The following ANAPC10 variants were observed in gnomAD, a reference collection of about 807,000 sequenced individuals.
The protein encoded by ANAPC10 is anaphase-promoting complex subunit 10.
Under a neutral mutation model 22.0 loss-of-function variants are expected in ANAPC10, and 12 were observed. That is an observed-to-expected ratio of 0.55 (90% CI 0.35 to 0.88). The LOEUF is 0.88. ANAPC10 is among the 40% of genes least tolerant of loss of function. The probability of loss-of-function intolerance (pLI) is 0.01; values close to 1 mark genes in which losing one functional copy is unlikely to be tolerated. For synonymous variants in ANAPC10, 65 were observed against 69.5 expected (o/e 0.94, Z 0.32); for missense variants, 188 against 220.9 (o/e 0.85, Z 0.94).
chr4:145,013,268 T>C (rs1734628309), intron 4 of ANAPC10, among the ~76,000 whole-genome samples: 1 of 152,058 alleles, frequency 6.6e-6, no homozygotes, highest in Admixed American at 6.6e-5. Context: ...CTAATCTTTC[T>C]CATGAGCACA....
At chr4:145,070,470 A>T (rs948768956) in intron 3 of ANAPC10, among the ~76,000 whole-genome samples, 64 of 152,368 alleles carry the variant, frequency 4.2e-4, no homozygotes, top group African/African-American at 1.5e-3. Context: ...CTATAATGAG[A>T]CAGACTCATT....
intron 3 of ANAPC10, among the ~76,000 whole-genome samples, chr4:145,080,742 T>G (rs940044286): frequency 6.6e-6 from 1 of 151,754 alleles, no homozygotes; most frequent in Non-Finnish European, 1.5e-5. Context: ...ACCCCATCTC[T>G]ACTAAAAATA....
intron 4 of ANAPC10, among the ~76,000 whole-genome samples, chr4:145,009,851 A>T (rs1304273850): frequency 6.6e-6 from 1 of 152,212 alleles, no homozygotes; most frequent in South Asian, 2.1e-4. Flanking sequence ...GAGCTTCTGC[A>T]CAGCAAAAGA....
intron 4 of ANAPC10, among the ~76,000 whole-genome samples, chr4:145,055,329 G>A (rs769102718): frequency 1.3e-4 from 20 of 152,182 alleles, no homozygotes; most frequent in East Asian, 5.8e-4. Context: ...AGGCCGAGGC[G>A]GCCAGATCAC....
intron 4 of ANAPC10, among the ~76,000 whole-genome samples, chr4:145,055,291 C>T (rs1741881926): frequency 6.6e-6 from 1 of 152,202 alleles, no homozygotes; most frequent in Non-Finnish European, 1.5e-5. Context: ...AGTGAGGTAG[C>T]TCAGGCCTGT....
intron 4 of ANAPC10, among the ~76,000 whole-genome samples, chr4:145,005,389 T>C (rs772041489): frequency 1.3e-5 from 2 of 151,986 alleles, no homozygotes; most frequent in African/African-American, 4.8e-5. Context: ...TAGCAGTCTA[T>C]CTTATTCTTT....
chr4:145,017,035 C>T (rs1281656327), intron 4 of ANAPC10, among the ~76,000 whole-genome samples: 1 of 152,182 alleles, frequency 6.6e-6, no homozygotes, highest in Non-Finnish European at 1.5e-5. Context: ...AAAACCTAGG[C>T]ATTACCATTC....
chr4:145,008,579 C>T (rs982418711), intron 4 of ANAPC10, among the ~76,000 whole-genome samples: 1 of 152,126 alleles, frequency 6.6e-6, no homozygotes, highest in African/African-American at 2.4e-5. Context: ...GAACCAAAGA[C>T]AAAAACCACA....
intron 2 of ANAPC10, among the ~76,000 whole-genome samples, chr4:145,092,084 A>G (rs926161421): frequency 5.3e-5 from 8 of 152,078 alleles, no homozygotes; most frequent in African/African-American, 1.9e-4. Flanking sequence ...CAAACACCAC[A>G]TGTTCTCGCT....
intron 4 of ANAPC10, among the ~76,000 whole-genome samples, chr4:145,045,023 T>C (rs747831942): frequency 2.2e-4 from 33 of 152,090 alleles, no homozygotes; most frequent in Non-Finnish European, 3.7e-4. Context: ...TTTGCTTATA[T>C]GTTTATACAA....
intron 4 of ANAPC10, among the ~76,000 whole-genome samples, chr4:145,008,296 A>G (rs982392302): frequency 3.9e-5 from 6 of 152,182 alleles, no homozygotes; most frequent in Non-Finnish European, 8.8e-5. Context: ...AAACTATTCC[A>G]ATCAATAGAA....
At chr4:145,089,015 T>G (rs1192022075) in intron 2 of ANAPC10, among the ~76,000 whole-genome samples, 1 of 152,160 alleles carries the variant, frequency 6.6e-6, no homozygotes, top group African/African-American at 2.4e-5. Flanking sequence ...TCTGAAATCT[T>G]TGCACAATGA....
At position 144,997,815 on chromosome 4, in the gene ANAPC10, T is replaced by G. The variant is rs550823890; in HGVS notation, c.328-2212A>C. On this transcript the variant is annotated intron_variant, in intron 4 of 4. Transcript: ENST00000507656. Reference sequence around the variant, plus strand: ...TAGATAAAGAGTCAAGACCCATCAGTGTGCTGCATTCAGGAGACCCATCTC... The same window carrying G: ...TAGATAAAGAGTCAAGACCCATCAGGGTGCTGCATTCAGGAGACCCATCTC... Among the ~76,000 whole-genome samples, 20 of 152,174 alleles carry G rather than the reference T, an allele frequency of 1.3e-4. No homozygotes were observed. In the South Asian group the frequency reaches 1.9e-3, roughly 14 times the overall value.
chr4:145,016,442 T>C (rs922827602), intron 4 of ANAPC10, among the ~76,000 whole-genome samples: 2 of 152,150 alleles, frequency 1.3e-5, no homozygotes, highest in African/African-American at 4.8e-5. Flanking sequence ...CAAGGAGAAC[T>C]ACAAACCACT....
At chr4:145,078,656 A>G (rs1197511145) in intron 3 of ANAPC10, among the ~76,000 whole-genome samples, 2 of 152,246 alleles carry the variant, frequency 1.3e-5, no homozygotes, top group African/African-American at 2.4e-5. Flanking sequence ...CCAAAAGAGC[A>G]TGGTACTGGT....
chr4:145,006,568 T>G (rs1733402111), intron 4 of ANAPC10, among the ~76,000 whole-genome samples: 1 of 152,148 alleles, frequency 6.6e-6, no homozygotes, highest in East Asian at 1.9e-4. Context: ...CTAGCTAACC[T>G]TTATTTCTCC....
chr4:145,032,202 G>T (rs1737690326), intron 4 of ANAPC10, among the ~76,000 whole-genome samples: 1 of 152,240 alleles, frequency 6.6e-6, no homozygotes, highest in Middle Eastern at 3.2e-3. Flanking sequence ...GACAGCTGCA[G>T]CACTACAGCC....
chr4:145,009,124 A>C (rs1462539017), intron 4 of ANAPC10, among the ~76,000 whole-genome samples: 1 of 152,176 alleles, frequency 6.6e-6, no homozygotes, highest in Non-Finnish European at 1.5e-5. Context: ...AATACAACTT[A>C]CAAGGGATGT....
intron 3 of ANAPC10, 74 bp downstream of exon 3, chr4:145,081,586 T>C: frequency 1.0e-6 from 1 of 965,750 alleles, no homozygotes; most frequent in Non-Finnish European, 1.6e-6. Context: ...CTATCTTTAA[T>C]TTTTATGTTA....
Sources: gnomAD v4.1 joint callset for allele counts (sites outside exome capture counted in the v4.1 genomes callset) on GRCh38, gnomAD v4.1.1 for gene constraint, MANE v1.5 for transcripts, NCBI Gene and HGNC (gene_info 2026-07-23, HGNC 2026-07-21) for gene names.